The following TLE4 variants were observed in gnomAD, a reference collection of about 807,000 sequenced individuals.
The protein encoded by TLE4 is transducin-like enhancer protein 4.
Under a neutral mutation model 92.8 loss-of-function variants are expected in TLE4, and 8 were observed. The ratio of observed to expected loss-of-function variants is 0.09; its 90% confidence interval spans 0.05 to 0.16. The LOEUF (loss-of-function observed/expected upper bound fraction) is 0.16. TLE4 is among the 10% of genes least tolerant of loss of function. The pLI, the probability that TLE4 is intolerant of heterozygous loss-of-function variation, is 1.00. For missense variants in TLE4, 675 were observed against 997.6 expected (o/e 0.68, Z 4.36); for synonymous variants, 371 against 374.1 (o/e 0.99, Z 0.10).
chr9:79,716,773 A>T (rs1391915178), intron 14 of TLE4, among the ~76,000 whole-genome samples: 1 of 152,166 alleles, frequency 6.6e-6, no homozygotes, highest in Non-Finnish European at 1.5e-5. Flanking sequence ...TGTTCACTGC[A>T]CTGACCATCT....
At chr9:79,575,159 G>A in intron 3 of TLE4, 3 of 306,396 alleles carry the variant, frequency 9.8e-6, no homozygotes, top group East Asian at 5.3e-5. Flanking sequence ...AGCCACATGG[G>A]GTATAATTTT....
intron 14 of TLE4, among the ~76,000 whole-genome samples, chr9:79,714,756 C>T (rs1588571680): frequency 6.6e-6 from 1 of 152,208 alleles, no homozygotes; most frequent in Non-Finnish European, 1.5e-5. Flanking sequence ...AGTTTTGTAT[C>T]CTTAGCATGA....
chr9:79,651,037 CT>C (rs2058880781), intron 6 of TLE4, among the ~76,000 whole-genome samples: 1 of 29,514 alleles, frequency 3.4e-5, no homozygotes, highest in Admixed American at 4.8e-4. Context: ...ATCGATCTCT[CT>C]CTCTCTCTCT....
At chr9:79,689,109 A>C (rs1342422100) in intron 8 of TLE4, among the ~76,000 whole-genome samples, 3 of 152,026 alleles carry the variant, frequency 2.0e-5, no homozygotes, top group African/African-American at 7.3e-5. Context: ...CTTATAAGCC[A>C]CTTCTCTAAT....
At chr9:79,690,299 C>T (rs899857469) in intron 8 of TLE4, among the ~76,000 whole-genome samples, 4 of 152,190 alleles carry the variant, frequency 2.6e-5, no homozygotes, top group Admixed American at 6.5e-5. Flanking sequence ...TCTTCATAAA[C>T]GTGAAGTGTC....
rs2075682614 is a variant in TLE4 at position 79,721,795 on chromosome 9, C to T, written c.1893C>T (p.Gly631=). The part of the protein sequence containing the change: ...GASCIDISND[G]TKLWTGGLDN... Reference sequence around the variant, plus strand: ...GCTGTATTGACATTTCTAATGATGGCACCAAGCTCTGGACAGGTGGTTTGG... The same window carrying T: ...GCTGTATTGACATTTCTAATGATGGTACCAAGCTCTGGACAGGTGGTTTGG... Residue 631 remains glycine, a synonymous_variant, in exon 17 of 20, where the codon GGC becomes GGT. Transcript: ENST00000376552. The T allele has an allele frequency of 6.2e-7, 1 of 1,614,190 alleles. No individual in the cohort carries two copies. Among genetic ancestry groups the T allele is most frequent in the Non-Finnish European group, 8.5e-7 (1 of 1,180,036 alleles).
At chr9:79,655,157 A>G (rs1375532786) in intron 8 of TLE4, among the ~76,000 whole-genome samples, 2 of 152,068 alleles carry the variant, frequency 1.3e-5, no homozygotes, top group Non-Finnish European at 2.9e-5. Flanking sequence ...ACATACATAC[A>G]TACATACATA....
chr9:79,684,901 A>G (rs2065499668), intron 8 of TLE4, among the ~76,000 whole-genome samples: 1 of 152,224 alleles, frequency 6.6e-6, no homozygotes. Context: ...GAAAAATTGC[A>G]GCCAATATTG....
At chr9:79,580,152 C>T (rs1260259389) in intron 4 of TLE4, 4 of 152,182 alleles carry the variant, frequency 2.6e-5, no homozygotes, top group Admixed American at 2.0e-4. Flanking sequence ...CATGGTGGAG[C>T]AGCGAGACGG....
chr9:79,606,605 C>G (rs2047052620), intron 4 of TLE4, among the ~76,000 whole-genome samples: 1 of 151,924 alleles, frequency 6.6e-6, no homozygotes, highest in African/African-American at 2.4e-5. Context: ...CAGTTCCCAC[C>G]TATGAGTGAG....
At chr9:79,684,128 G>A (rs544233024) in intron 8 of TLE4, among the ~76,000 whole-genome samples, 40 of 152,240 alleles carry the variant, frequency 2.6e-4, no homozygotes, top group African/African-American at 9.4e-4. Context: ...GGTTATATTA[G>A]TTAACAATTA....
In TLE4 at chr9:79,721,647, G is replaced by A. The variant is rs143983624; in HGVS notation, c.1839-94G>A. 168 of 1,544,500 alleles carry A rather than the reference G, an allele frequency of 1.1e-4. 1 individual carries two copies. The African/African-American group carries it at 1.9e-3, about 17-fold the overall frequency. ...AACCAAAATGAAATCTACAAATAAG[G>A]CCTGCATTGAAATTGAATCATCAAG... On this transcript the variant is annotated intron_variant, in intron 16 of 19. Coordinates refer to ENST00000376552, the MANE Select transcript of TLE4 (RefSeq NM_007005.6).
At chr9:79,619,769 A>G (rs2050509325) in intron 5 of TLE4, among the ~76,000 whole-genome samples, 1 of 152,238 alleles carries the variant, frequency 6.6e-6, no homozygotes. Context: ...AAAATGAATA[A>G]TAGACATGGA....
At chr9:79,673,535 A>G (rs1463294811) in intron 8 of TLE4, among the ~76,000 whole-genome samples, 2 of 152,156 alleles carry the variant, frequency 1.3e-5, no homozygotes, top group African/African-American at 4.8e-5. Flanking sequence ...TTAAAAGTGT[A>G]GTTTATCTTT....
chr9:79,641,430 T>C (rs1316968180), intron 6 of TLE4, among the ~76,000 whole-genome samples: 1 of 152,160 alleles, frequency 6.6e-6, no homozygotes, highest in Non-Finnish European at 1.5e-5. Context: ...GAGCTCTAAT[T>C]ATTCTTAAAT....
intron 4 of TLE4, among the ~76,000 whole-genome samples, chr9:79,587,880 A>C (rs1322296841): frequency 2.0e-5 from 3 of 152,222 alleles, no homozygotes; most frequent in Non-Finnish European, 2.9e-5. Flanking sequence ...CAGGTAAAGC[A>C]CTAAATGCTT....
chr9:79,619,672 C>T (rs1240636391), intron 5 of TLE4, among the ~76,000 whole-genome samples: 1 of 152,162 alleles, frequency 6.6e-6, no homozygotes, highest in Non-Finnish European at 1.5e-5. Context: ...CAGCAGCCTG[C>T]ACAGGGCACG....
chr9:79,648,042 G>C (rs755456336), intron 6 of TLE4, among the ~76,000 whole-genome samples: 4 of 152,134 alleles, frequency 2.6e-5, no homozygotes, highest in Non-Finnish European at 5.9e-5. Flanking sequence ...TCCCTAAACA[G>C]ACTAGTGTTG....
intron 4 of TLE4, among the ~76,000 whole-genome samples, chr9:79,598,462 C>T (rs2044656702): frequency 6.6e-6 from 1 of 152,068 alleles, no homozygotes; most frequent in South Asian, 2.1e-4. Flanking sequence ...ATGGTCTTAC[C>T]CTTTTCTCTG....
Sources: gnomAD v4.1 joint callset for allele counts (sites outside exome capture counted in the v4.1 genomes callset) on GRCh38, gnomAD v4.1.1 for gene constraint, MANE v1.5 for transcripts, NCBI Gene and HGNC (gene_info 2026-07-23, HGNC 2026-07-21) for gene names.